Variants in WDR4 observed in about 807,000 individuals in gnomAD.
WDR4 encodes WDR4 tRNA N7-guanosine methyltransferase non-catalytic subunit, also known as tRNA (guanine-N(7)-)-methyltransferase non-catalytic subunit WDR4.
WDR4 carries 47 observed loss-of-function variants against 48.6 expected under a neutral mutation model. The observed-to-expected ratio is 0.97, with a 90% confidence interval of 0.77 to 1.23. The LOEUF is 1.23. WDR4 is among the 50% of genes most tolerant of loss of function. The pLI, the probability that WDR4 is intolerant of heterozygous loss-of-function variation, is 0.00. For synonymous variants in WDR4, 268 were observed against 230.0 expected, an observed-to-expected ratio of 1.17 and a Z score of -1.49; for missense variants, 606 against 551.6, an observed-to-expected ratio of 1.10 and a Z score of -0.99.
chr21:42,857,249 C>T (rs2058017497), intron 6 of WDR4, among the ~76,000 whole-genome samples: 1 of 152,122 alleles, frequency 6.6e-6, no homozygotes, highest in African/African-American at 2.4e-5. Flanking sequence ...TCACCTAGCC[C>T]CTTCGCACTC....
At chr21:42,881,957 GTGCCCAGCTAATTTTGTATTTTTAGTA>G (rs2058613469), upstream of WDR4, among the ~76,000 whole-genome samples, 1 of 152,008 alleles carries the variant, frequency 6.6e-6, no homozygotes, top group African/African-American at 2.4e-5. Flanking sequence ...ATGTGCCACC[GTGCCCAGCTAATTTTGTATTTTTAGTA>G]GAGACGGGGT....
chr21:42,862,788 C>T lies in WDR4; in HGVS notation c.454-394G>A, dbSNP rs1602728803. Among the ~76,000 whole-genome samples the T allele has an allele frequency of 6.6e-6, 1 of 152,218 alleles. No homozygotes were observed. Among genetic ancestry groups the T allele is most frequent in the Admixed American group, 6.5e-5 (1 of 15,290 alleles). On this transcript the variant is annotated intron_variant, in intron 4 of 10. Transcript: ENST00000398208. The surrounding 1 kb of genome is among the most constrained non-coding windows in gnomAD (Gnocchi z 4.3). Reference sequence around the variant, plus strand: ...CCTTCCTGTCACACATGTCCCCACACCCATCTGTCACCAAGTCCCAGTGAG... The same window carrying T: ...CCTTCCTGTCACACATGTCCCCACATCCATCTGTCACCAAGTCCCAGTGAG...
In WDR4 at chr21:42,853,726, A is replaced by C. The variant is rs745357304; in HGVS notation, c.818T>G (p.Leu273Arg). 6.4e-7 allele frequency: 1 copy of C among 1,562,278 alleles called. No individual in the cohort carries two copies. The highest frequency in any genetic ancestry group is 1.4e-5 in the African/African-American group (1 of 74,064). Residue 273 changes from leucine to arginine, a missense_variant, in exon 9 of 11, where the codon CTG becomes CGG. Physicochemically the swap from Leu to Arg is moderately radical, Grantham distance 102 (BLOSUM62 -2). Transcript: ENST00000398208. Reference protein sequence around the residue: ...DGTPVVYIFQLDARRQQLVYR... With the variant: ...DGTPVVYIFQRDARRQQLVYR... ...CACCAACTGCTGTCTGCGGGCGTCCAGCTGGAAGATGTAGACCACAGGAGT... is the reference window on the plus strand; with the variant it reads ...CACCAACTGCTGTCTGCGGGCGTCCCGCTGGAAGATGTAGACCACAGGAGT...
intron 8 of WDR4, among the ~76,000 whole-genome samples, chr21:42,854,111 AG>A (rs1467023280): frequency 1.3e-5 from 2 of 152,242 alleles, no homozygotes; most frequent in Admixed American, 6.5e-5. Flanking sequence ...CAAGATGAAA[AG>A]TGCCGAAAGC....
rs561816477 is a variant in WDR4 at position 42,855,748 on chromosome 21, G to A, written c.660C>T (p.Ser220=). The A allele has an allele frequency of 7.9e-5, 123 of 1,553,044 alleles. 1 individual carries two copies. The South Asian group carries it at 1.0e-3, about 13-fold the overall frequency. Residue 220 remains serine (S), a synonymous_variant, in exon 7 of 11, where the codon AGC becomes AGT. Transcript: ENST00000398208. ...DGTLRLWEYR[S]GRQLHCCHLA... Reference sequence around the variant, plus strand: ...GGTGACAGCAGTGCAGCTGGCGGCCGCTCCTGTACTCCCAGAGCCTCAGGG... The same window carrying A: ...GGTGACAGCAGTGCAGCTGGCGGCCACTCCTGTACTCCCAGAGCCTCAGGG...
Position 42,862,409 on chromosome 21 carries a change from G to C in WDR4, c.454-15C>G, listed in dbSNP as rs1205876184. 1.3e-5 allele frequency: 21 copies of C among 1,586,002 alleles called. No individual in the cohort carries two copies. Among genetic ancestry groups the C allele is most frequent in the African/African-American group, 2.7e-5 (2 of 74,352 alleles). ...GGACTCACAGCCTGCATCACCAGGGGCCAGAAAAGAAAAAGCCGCTCACCT... is the reference window on the plus strand; with the variant it reads ...GGACTCACAGCCTGCATCACCAGGGCCCAGAAAAGAAAAAGCCGCTCACCT... On this transcript the variant is annotated splice_polypyrimidine_tract_variant and intron_variant, in intron 4 of 10. Coordinates refer to ENST00000398208, the MANE Select transcript of WDR4 (RefSeq NM_018669.6). The surrounding 1 kb of genome is among the most constrained non-coding windows in gnomAD (Gnocchi z 4.3).
intron 3 of WDR4, among the ~76,000 whole-genome samples, chr21:42,873,131 GTACAGACCCCTC>G (rs2058409527): frequency 6.6e-6 from 1 of 152,076 alleles, no homozygotes; most frequent in Non-Finnish European, 1.5e-5. Context: ...TAATACTATG[GTACAGACCCCTC>G]AACAGACCCC....
the WDR4 span, among the ~76,000 whole-genome samples, chr21:42,885,067 C>T: frequency 1.3e-5 from 2 of 152,098 alleles, no homozygotes; most frequent in Non-Finnish European, 2.9e-5. Context: ...TGAACCAACG[C>T]ATCTGGACAC....
chr21:42,854,756 G>T, intron 7 of WDR4, 130 bp from the exon 8 acceptor site: 1 of 779,544 alleles, frequency 1.3e-6, no homozygotes. Flanking sequence ...AACAGCACTG[G>T]AACATTCTGG....
In WDR4 at chr21:42,854,492, G is replaced by C; in HGVS notation, c.791+70C>G. The C allele has an allele frequency of 2.6e-6, 4 of 1,518,844 alleles. No homozygotes were observed. The South Asian group carries it at 5.0e-5, about 19-fold the overall frequency. The allele number at this position is 1,518,844 out of a possible 1,614,324, so 94.1% of individuals were successfully genotyped here. ...TCTTCATTGAGGACGTGGGCCAGTG[G>C]CCAACCCGCTAACTCTTCCCCCTGC... is the stretch of plus-strand genomic sequence containing the variant. On this transcript the variant is annotated intron_variant, in intron 8 of 10. Transcript: ENST00000398208.
intron 3 of WDR4, among the ~76,000 whole-genome samples, chr21:42,866,523 A>G (rs1417164594): frequency 6.6e-6 from 1 of 152,178 alleles, no homozygotes; most frequent in Non-Finnish European, 1.5e-5. Flanking sequence ...GAGCGGGTGC[A>G]TCAGATCTAA....
At chr21:42,878,008 G>A (rs1045863189) in intron 1 of WDR4, among the ~76,000 whole-genome samples, 20 of 140,542 alleles carry the variant, frequency 1.4e-4, no homozygotes, top group African/African-American at 4.7e-4. Context: ...TCGCGCCACT[G>A]CACTCCAGCC....
upstream of WDR4, among the ~76,000 whole-genome samples, chr21:42,880,927 C>T (rs1370394343): frequency 1.5e-5 from 2 of 137,194 alleles, no homozygotes; most frequent in African/African-American, 5.7e-5. Context: ...AAGCCACTCC[C>T]ACTAGTCTTT....
intron 3 of WDR4, among the ~76,000 whole-genome samples, chr21:42,872,167 A>G (rs1263207465): frequency 6.6e-6 from 1 of 152,028 alleles, no homozygotes; most frequent in African/African-American, 2.4e-5. Flanking sequence ...TATTTTTAGT[A>G]GAGACGGGGT....
intron 1 of WDR4, chr21:42,878,915 AAC>A: frequency 1.0e-6 from 1 of 976,790 alleles, no homozygotes; most frequent in Non-Finnish European, 1.2e-6. Context: ...GGGAAGAGGG[AAC>A]AGACAACCCT....
At chr21:42,847,571 T>C (rs1391141188), downstream of WDR4, among the ~76,000 whole-genome samples, 3 of 152,090 alleles carry the variant, frequency 2.0e-5, no homozygotes, top group Admixed American at 6.5e-5. Context: ...CGCGGCCCCG[T>C]GAGGAGGGCG....
chr21:42,861,996 TCTCCACAC>T (rs2058127690), intron 5 of WDR4, among the ~76,000 whole-genome samples: 3 of 151,692 alleles, frequency 2.0e-5, no homozygotes, highest in African/African-American at 7.3e-5. Context: ...GGTGCAGGGG[TCTCCACAC>T]TGAGACAGGG....
At chr21:42,887,810 C>T in the WDR4 span, among the ~76,000 whole-genome samples, 41 of 142,390 alleles carry the variant, frequency 2.9e-4, no homozygotes, top group African/African-American at 1.1e-3. Flanking sequence ...CCGAGTTACT[C>T]GGGAGGCTGA....
upstream of WDR4, chr21:42,883,788 C>A (rs1235063638): frequency 6.5e-6 from 1 of 153,426 alleles, no homozygotes; most frequent in Admixed American, 6.5e-5. Context: ...CTTCTGGCCT[C>A]CAGAACTGTG....
Sources: gnomAD v4.1 joint callset for allele counts (sites outside exome capture counted in the v4.1 genomes callset) on GRCh38, gnomAD v4.1.1 for gene constraint, Gnocchi (gnomAD v3.1) non-coding constraint, MANE v1.5 for transcripts, NCBI Gene and HGNC (gene_info 2026-07-23, HGNC 2026-07-21) for gene names.